The following LTBP4 variants were observed in gnomAD, a reference collection of about 807,000 sequenced individuals.
LTBP4 encodes latent transforming growth factor beta binding protein 4.
A neutral mutation model predicts 180.2 loss-of-function variants in LTBP4; 93 were observed. The observed-to-expected ratio is 0.52, with a 90% CI of 0.44 to 0.61. The LOEUF (loss-of-function observed/expected upper bound fraction) is 0.61, where lower values mean the gene tolerates loss of function less well. Ranked by LOEUF, LTBP4 falls within the 20% of genes least tolerant of loss-of-function variation. The probability of loss-of-function intolerance (pLI) is 0.00; values close to 1 mark genes in which losing one functional copy is unlikely to be tolerated. For missense variants in LTBP4, 2,116 were observed against 2,256.5 expected, an observed-to-expected ratio of 0.94 and a Z score of 1.26; for synonymous variants, 947 against 934.5, an observed-to-expected ratio of 1.01 and a Z score of -0.24.
chr19:40,605,825 C>G lies in LTBP4; in HGVS notation c.787C>G (p.Arg263Gly). 1 of 1,537,774 alleles carries G rather than the reference C, an allele frequency of 6.5e-7. No homozygotes were observed. The highest frequency in any genetic ancestry group is 8.7e-7 in the Non-Finnish European group (1 of 1,146,678). ...TCACGACTGTCAGCTGTGCTCCGAGCGCCTGGGTAAGCCCCAGGACGTCCC... is the reference window on the plus strand; with the variant it reads ...TCACGACTGTCAGCTGTGCTCCGAGGGCCTGGGTAAGCCCCAGGACGTCCC... Reference protein sequence around the residue: ...GVHDCQLCSERLGNSERVSAP... With the variant: ...GVHDCQLCSEGLGNSERVSAP... Residue 263 changes from arginine to glycine, a missense_variant, in exon 4 of 30, where the codon CGC (arginine) becomes GGC (glycine). Around this residue, in one of 5 missense-constraint regions of LTBP4, gnomAD observed 469 missense variants for 532.5 expected, o/e 0.88. Transcript: ENST00000396819. The surrounding 1 kb of genome is among the most constrained non-coding windows in gnomAD (Gnocchi z 5.5).
chr19:40,621,998 G>A (rs955172541), intron 22 of LTBP4, among the ~76,000 whole-genome samples: 5 of 152,054 alleles, frequency 3.3e-5, no homozygotes, highest in Admixed American at 6.6e-5. Context: ...ATCCAACCGC[G>A]TCGGCCTCCT....
chr19:40,595,171 A>T (rs2146007320), intron 1 of LTBP4, among the ~76,000 whole-genome samples: 1 of 152,202 alleles, frequency 6.6e-6, no homozygotes, highest in South Asian at 2.1e-4. Flanking sequence ...GTCACGTCCC[A>T]GTTTTCTGTG....
At chr19:40,621,795 C>T (rs1470301354) in intron 22 of LTBP4, among the ~76,000 whole-genome samples, 1 of 152,158 alleles carries the variant, frequency 6.6e-6, no homozygotes, top group Admixed American at 6.5e-5. Context: ...GTCGCCCAGG[C>T]TAGAATGCAG....
chr19:40,610,155 CCCCT>C (rs1032248337), intron 11 of LTBP4: 1 of 507,532 alleles, frequency 2.0e-6, no homozygotes, highest in African/African-American at 2.0e-5. Context: ...ATTGGCCACG[CCCCT>C]CCCTGACTAA....
upstream of LTBP4, among the ~76,000 whole-genome samples, chr19:40,600,732 A>G (rs2081417496): frequency 6.6e-6 from 1 of 151,904 alleles, no homozygotes; most frequent in South Asian, 2.1e-4. This position sits in a 1 kb window ranked among gnomAD's most constrained non-coding sequence, Gnocchi z 4.4. Flanking sequence ...CTCGGGCCAG[A>G]TGTTAGTACC....
chr19:40,596,259 T>C (rs2146008526), intron 1 of LTBP4, among the ~76,000 whole-genome samples: 1 of 152,154 alleles, frequency 6.6e-6, no homozygotes, highest in East Asian at 1.9e-4. Context: ...TCCTATGTTG[T>C]ACTATGTTGC....
Position 40,613,541 on chromosome 19 carries a change from G to A in LTBP4, c.2557+12G>A. 6.4e-7 allele frequency: 1 copy of A among 1,559,906 alleles called. No individual in the cohort carries two copies. The highest frequency in any genetic ancestry group is 8.7e-7 in the Non-Finnish European group (1 of 1,153,828). ...AGCCTCTTGCCTCGGTTCGTACCCG[G>A]GCTGATCCTGGCCCCGGAAAGGGTG... On this transcript the variant is annotated intron_variant, in intron 17 of 29. Coordinates refer to ENST00000396819, the MANE Select transcript of LTBP4 (RefSeq NM_001042545.2). This position sits in a 1 kb window ranked among gnomAD's most constrained non-coding sequence, Gnocchi z 5.0.
Position 40,614,047 on chromosome 19 carries a change from C to G in LTBP4, c.2680+9C>G. On this transcript the variant is annotated intron_variant, in intron 18 of 29. Coordinates refer to ENST00000396819, the MANE Select transcript of LTBP4 (RefSeq NM_001042545.2). ...CCTCGCCTCCTGCCTCGGTGAGAGG[C>G]CCCGCCCCGGCCTGATCCCTCCTCC... The G allele has an allele frequency of 6.2e-7, 1 of 1,611,766 alleles. No homozygotes were observed. Among genetic ancestry groups the G allele is most frequent in the Non-Finnish European group, 8.5e-7 (1 of 1,179,604 alleles).
chr19:40,625,310 A>ATT (rs2081624729), intron 26 of LTBP4, among the ~76,000 whole-genome samples: 1 of 18,488 alleles, frequency 5.4e-5, no homozygotes, highest in Non-Finnish European at 9.0e-5. Context: ...ATATATATAT[A>ATT]TATATATTTT....
In LTBP4 at chr19:40,608,076, G is replaced by A. The variant is rs144240650; in HGVS notation, c.1157-144G>A. The A allele has an allele frequency of 2.3e-3, 1,932 of 836,644 alleles. 27 individuals are homozygous for A. The African/African-American group carries it at 0.028, about 12-fold the overall frequency. 51.8% of individuals were successfully genotyped at this position (836,644 alleles called of 1,614,324 possible). On this transcript the variant is annotated intron_variant, in intron 7 of 29. Transcript: ENST00000396819. ...TCTAAGACATTCTACTCTTTGGCCA[G>A]GACACCACCCCATCCCAGCCTCCAG...
chr19:40,607,095 G>T (rs73047967), intron 6 of LTBP4, among the ~76,000 whole-genome samples: 1 of 151,784 alleles, frequency 6.6e-6, no homozygotes, highest in Admixed American at 6.6e-5. Flanking sequence ...AAATCCTCTC[G>T]TCCCCCTCAA....
chr19:40,620,343 A>C (rs1295968243), intron 22 of LTBP4, among the ~76,000 whole-genome samples: 1 of 151,944 alleles, frequency 6.6e-6, no homozygotes, highest in Non-Finnish European at 1.5e-5. Context: ...TGCTCAAGGA[A>C]TCCTCCAACC....
rs577234539 is a variant in LTBP4 at position 40,625,398 on chromosome 19, G to C, written c.3833-459G>C. On this transcript the variant is annotated intron_variant, in intron 26 of 29. Transcript: ENST00000396819. ...GGGCTCAAGCAACCCCCCCACCTCA[G>C]CCTCCCAAAGTGCTGGGATTACAGG... Among the ~76,000 whole-genome samples the C allele has an allele frequency of 1.3e-4, 19 of 146,612 alleles. No individual in the cohort carries two copies. In the South Asian group the frequency reaches 3.9e-3, roughly 30 times the overall value.
In LTBP4 at chr19:40,604,333, T is replaced by C. The variant is rs113434119; in HGVS notation, c.251-702T>C. On this transcript the variant is annotated intron_variant, in intron 1 of 29. Transcript: ENST00000396819. ...CAAGCAGAGGGAGTGTGGGCGGGCA[T>C]AGAATGCGAAGGAGACAGAGTTGGG... is the stretch of plus-strand genomic sequence containing the variant. Among the ~76,000 whole-genome samples, 484 of 151,768 alleles carry C rather than the reference T, an allele frequency of 3.2e-3. 2 individuals carry two copies. The highest frequency in any genetic ancestry group is 0.011 in the African/African-American group (464 of 41,338).
Position 40,627,305 on chromosome 19 carries a change from G to A in LTBP4, c.4316G>A (p.Arg1439His). The A allele has an allele frequency of 6.5e-7, 1 of 1,530,692 alleles. No homozygotes were observed. The highest frequency in any genetic ancestry group is 8.8e-7 in the Non-Finnish European group (1 of 1,140,306). 94.8% of individuals were successfully genotyped at this position (1,530,692 alleles called of 1,614,324 possible). ...TGGCCCTATCGGTCCCGGGACACCCGCCGCTCCTTCCCAGAGCCCGAGGAG... is the reference window on the plus strand; with the variant it reads ...TGGCCCTATCGGTCCCGGGACACCCACCGCTCCTTCCCAGAGCCCGAGGAG... ...TRWPYRSRDT[R>H]RSFPEPEEPP... Residue 1439 changes from arginine to histidine, a missense_variant, in exon 28 of 30, where the codon CGC becomes CAC. Physicochemically the swap from Arg to His is conservative, Grantham distance 29. This residue lies in a region of LTBP4 where 488 missense variants were observed against 458.8 expected (regional missense o/e 1.06). Coordinates refer to ENST00000396819, the MANE Select transcript of LTBP4 (RefSeq NM_001042545.2).
In LTBP4 at chr19:40,626,972, C is replaced by T; in HGVS notation, c.3986-3C>T. The stretch of plus-strand genomic sequence containing the variant: ...GATTGTTTGCCTTGGCTCCTGTTCC[C>T]AGATGACTTCGAGGCCCTGTGCAAT... On this transcript the variant is annotated splice_polypyrimidine_tract_variant and splice_region_variant and intron_variant, in intron 27 of 29. Transcript: ENST00000396819. The T allele has an allele frequency of 6.5e-7, 1 of 1,542,462 alleles. No homozygotes were observed. The highest frequency in any genetic ancestry group is 8.8e-7 in the Non-Finnish European group (1 of 1,141,208).
intron 19 of LTBP4, chr19:40,615,204 G>GGA (rs1354624585): frequency 6.8e-6 from 1 of 147,554 alleles, no homozygotes. Flanking sequence ...GGGGGGGGGG[G>GGA]GGCGGTGATG....
chr19:40,599,583 A>C, upstream of LTBP4: 1 of 1,589,868 alleles, frequency 6.3e-7, no homozygotes, highest in East Asian at 2.3e-5. Context: ...TCCCCTACCA[A>C]ATCCTCCCTC....
In LTBP4 at chr19:40,622,655, G is replaced by A; in HGVS notation, c.3472G>A (p.Gly1158Ser). The A allele has an allele frequency of 6.9e-6, 11 of 1,603,026 alleles. No homozygotes were observed. Among genetic ancestry groups the A allele is most frequent in the Non-Finnish European group, 7.7e-6 (9 of 1,174,114 alleles). Residue 1158 changes from glycine (G) to serine (S), a missense_variant, in exon 23 of 30, where the codon GGC (glycine) becomes AGC (serine). Physicochemically the swap from Gly to Ser is moderately conservative, Grantham distance 56. Transcript: ENST00000396819. The surrounding 1 kb of genome is among the most constrained non-coding windows in gnomAD (Gnocchi z 5.1). ...GSGCRIQQCPGTETAEYQSLC... is the reference protein window; with the variant it reads ...GSGCRIQQCPSTETAEYQSLC... ...CGGCTGCCGCATCCAGCAGTGCCCG[G>A]GCACCGAGACAGGTGGGCATGGGCT...
Sources: allele counts gnomAD v4.1 joint callset (sites outside exome capture counted in the v4.1 genomes callset), GRCh38; gene constraint gnomAD v4.1.1; regional missense constraint gnomAD v4.1.1; non-coding constraint Gnocchi (gnomAD v3.1); transcripts MANE v1.5; gene names NCBI Gene and HGNC (gene_info 2026-07-23, HGNC 2026-07-21).